The following CACNA2D3 variants were observed in gnomAD, a reference collection of about 807,000 sequenced individuals.
CACNA2D3 encodes calcium voltage-gated channel auxiliary subunit alpha2delta 3.
In CACNA2D3, 60 loss-of-function variants were observed where a neutral mutation model predicts 160.6. The ratio of observed to expected loss-of-function variants is 0.37; its 90% CI spans 0.30 to 0.46. The LOEUF (loss-of-function observed/expected upper bound fraction) is 0.46, where lower values mean the gene tolerates loss of function less well. Among genes scored for constraint, CACNA2D3 ranks in the 20% least tolerant of loss-of-function variants. The probability of loss-of-function intolerance (pLI) is 1.00; values close to 1 mark genes in which losing one functional copy is unlikely to be tolerated. For missense variants in CACNA2D3, 1,205 were observed against 1,365.0 expected, an observed-to-expected ratio of 0.88 and a Z score of 1.85; for synonymous variants, 558 against 492.9, an observed-to-expected ratio of 1.13 and a Z score of -1.75.
chr3:54,754,523 C>A (rs1170077270), intron 12 of CACNA2D3, among the ~76,000 whole-genome samples: 4 of 152,128 alleles, frequency 2.6e-5, no homozygotes, highest in Non-Finnish European at 5.9e-5. Context: ...TGTTGGCCTC[C>A]CTTCTGAGGC....
intron 10 of CACNA2D3, among the ~76,000 whole-genome samples, chr3:54,631,778 C>T (rs1699242604): frequency 6.6e-6 from 1 of 152,210 alleles, no homozygotes. Flanking sequence ...TCATTAGATT[C>T]TGTAAGAACA....
At chr3:54,526,763 T>C (rs942583326) in intron 5 of CACNA2D3, among the ~76,000 whole-genome samples, 7 of 152,210 alleles carry the variant, frequency 4.6e-5, no homozygotes, top group African/African-American at 7.2e-5. Flanking sequence ...TGATCTCAGC[T>C]CACTGCAACC....
chr3:54,744,367 G>C (rs893908245), intron 11 of CACNA2D3, among the ~76,000 whole-genome samples: 3 of 152,190 alleles, frequency 2.0e-5, no homozygotes. Context: ...GATGTTCTTA[G>C]ACAGTCCTGG....
At chr3:54,788,414 T>C (rs1197359370) in intron 13 of CACNA2D3, among the ~76,000 whole-genome samples, 1 of 152,188 alleles carries the variant, frequency 6.6e-6, no homozygotes, top group Non-Finnish European at 1.5e-5. Flanking sequence ...CCAGACACCT[T>C]AGAGCCCCAA....
intron 13 of CACNA2D3, among the ~76,000 whole-genome samples, chr3:54,776,405 C>T (rs982716095): frequency 6.6e-6 from 1 of 152,018 alleles, no homozygotes; most frequent in Admixed American, 6.6e-5. Context: ...GTCCCAGCTC[C>T]TCGGAAGGCT....
intron 2 of CACNA2D3, among the ~76,000 whole-genome samples, chr3:54,285,168 T>A (rs1432590392): frequency 6.6e-6 from 1 of 152,096 alleles, no homozygotes; most frequent in Admixed American, 6.5e-5. Flanking sequence ...GTCAGGGAGT[T>A]CCCTTTCCTA....
At chr3:54,261,319 T>A (rs112419244) in intron 2 of CACNA2D3, among the ~76,000 whole-genome samples, 18 of 152,276 alleles carry the variant, frequency 1.2e-4, no homozygotes, top group African/African-American at 4.3e-4. Context: ...GGTGTCCAGT[T>A]TTATTTTTTG....
intron 5 of CACNA2D3, among the ~76,000 whole-genome samples, chr3:54,555,501 C>G (rs1017337530): frequency 2.0e-5 from 3 of 152,152 alleles, no homozygotes; most frequent in Non-Finnish European, 4.4e-5. Flanking sequence ...AAAAAGAAAA[C>G]TACAAAAGGA....
chr3:54,731,594 T>C (rs1284584947), intron 11 of CACNA2D3, among the ~76,000 whole-genome samples: 2 of 152,108 alleles, frequency 1.3e-5, no homozygotes, highest in Non-Finnish European at 2.9e-5. Context: ...ATCTTGGCCC[T>C]AGAAGAGTCA....
At chr3:55,062,322 C>A (rs905235033) in intron 35 of CACNA2D3, among the ~76,000 whole-genome samples, 1 of 151,084 alleles carries the variant, frequency 6.6e-6, no homozygotes, top group Non-Finnish European at 1.5e-5. Flanking sequence ...ATAAGTTTCC[C>A]AGGCTGGTCT....
intron 11 of CACNA2D3, among the ~76,000 whole-genome samples, chr3:54,743,516 C>T (rs2107048262): frequency 6.6e-6 from 1 of 152,294 alleles, no homozygotes; most frequent in South Asian, 2.1e-4. Context: ...TGGGAAGGCA[C>T]TGGAGGGCTT....
intron 14 of CACNA2D3, among the ~76,000 whole-genome samples, chr3:54,817,629 G>A (rs1205375517): frequency 6.6e-6 from 1 of 152,240 alleles, no homozygotes; most frequent in African/African-American, 2.4e-5. Context: ...TGTTTCAAGA[G>A]TCAAGGTAGG....
chr3:54,348,759 C>T (rs1383832304), intron 3 of CACNA2D3, among the ~76,000 whole-genome samples: 1 of 152,146 alleles, frequency 6.6e-6, no homozygotes, highest in Non-Finnish European at 1.5e-5. Context: ...GACGGAGTCT[C>T]GCTCTGTCAC....
At chr3:54,947,142 C>G (rs1022335894) in intron 27 of CACNA2D3, among the ~76,000 whole-genome samples, 4 of 152,154 alleles carry the variant, frequency 2.6e-5, no homozygotes, top group Non-Finnish European at 5.9e-5. Context: ...TGTGCTTGAT[C>G]CAGTTTTCAT....
chr3:54,653,176 T>C (rs1479564763), intron 11 of CACNA2D3, among the ~76,000 whole-genome samples: 1 of 152,200 alleles, frequency 6.6e-6, no homozygotes, highest in African/African-American at 2.4e-5. Flanking sequence ...AGACATGGAC[T>C]TGGGCTGCAT....
intron 5 of CACNA2D3, among the ~76,000 whole-genome samples, chr3:54,507,711 G>T (rs962129550): frequency 6.6e-6 from 1 of 152,206 alleles, no homozygotes; most frequent in Non-Finnish European, 1.5e-5. Context: ...AAATGTCTGG[G>T]AATGGAGGGA....
rs1381458325 is a variant in CACNA2D3 at position 54,925,881 on chromosome 3, G to A, written c.2449+26013G>A. Among the ~76,000 whole-genome samples, 4 of 152,180 alleles carry A rather than the reference G, an allele frequency of 2.6e-5. No homozygotes were observed. In the East Asian group the frequency reaches 5.8e-4, roughly 22 times the overall value. Reference sequence around the variant, plus strand: ...CTACGTATTGATATCCATTTTTGCCGTTGTAATTCCATGAACAAGGATAGT... The same window carrying A: ...CTACGTATTGATATCCATTTTTGCCATTGTAATTCCATGAACAAGGATAGT... On this transcript the variant is annotated intron_variant, in intron 27 of 37. Coordinates refer to ENST00000474759, the MANE Select transcript of CACNA2D3 (RefSeq NM_018398.3).
intron 2 of CACNA2D3, among the ~76,000 whole-genome samples, chr3:54,276,737 T>TA (rs148818006): frequency 0.013 from 2,033 of 151,608 alleles, 43 homozygotes; most frequent in African/African-American, 0.048. Context: ...GAGAGGATGG[T>TA]AAAGAAGTTT....
At chr3:54,265,676 G>GTGTGTGTA (rs1702497333) in intron 2 of CACNA2D3, among the ~76,000 whole-genome samples, 2 of 128,036 alleles carry the variant, frequency 1.6e-5, no homozygotes, top group African/African-American at 5.3e-5. Flanking sequence ...TATAGTGTGT[G>GTGTGTGTA]TATATATATA....
Sources: gnomAD v4.1 joint callset for allele counts (sites outside exome capture counted in the v4.1 genomes callset) on GRCh38, gnomAD v4.1.1 for gene constraint, MANE v1.5 for transcripts, NCBI Gene and HGNC (gene_info 2026-07-23, HGNC 2026-07-21) for gene names.